Variants in ROBO1 observed in about 807,000 individuals in gnomAD.
The protein encoded by ROBO1 is roundabout homolog 1.
Under a neutral mutation model 195.9 loss-of-function variants are expected in ROBO1, and 149 were observed. The observed-to-expected ratio is 0.76, with a 90% confidence interval of 0.67 to 0.87. ROBO1 has a LOEUF of 0.87. ROBO1 is among the 40% of genes least tolerant of loss of function. The probability of loss-of-function intolerance (pLI) is 0.00; values close to 1 mark genes in which losing one functional copy is unlikely to be tolerated. For synonymous variants in ROBO1, 816 were observed against 733.2 expected (o/e 1.11, Z -1.82); for missense variants, 1,933 against 2,068.3 (o/e 0.93, Z 1.27).
At chr3:78,621,003 C>T (rs1704423876) in intron 26 of ROBO1, among the ~76,000 whole-genome samples, 1 of 150,812 alleles carries the variant, frequency 6.6e-6, no homozygotes, top group Non-Finnish European at 1.5e-5. Context: ...TATGCATATA[C>T]ACACATATAT....
At chr3:79,178,774 A>G (rs1440087006) in intron 2 of ROBO1, among the ~76,000 whole-genome samples, 1 of 152,222 alleles carries the variant, frequency 6.6e-6, no homozygotes, top group African/African-American at 2.4e-5. Context: ...CTGGGGGATT[A>G]ATGCTAAGAT....
chr3:79,028,010 A>G (rs2078232473), intron 3 of ROBO1, among the ~76,000 whole-genome samples: 1 of 152,070 alleles, frequency 6.6e-6, no homozygotes, highest in South Asian at 2.1e-4. Context: ...TGTTTTAATT[A>G]CAAAGTAAAA....
At chr3:79,386,593 C>T (rs1032227984) in intron 2 of ROBO1, among the ~76,000 whole-genome samples, 1 of 152,080 alleles carries the variant, frequency 6.6e-6, no homozygotes, top group Non-Finnish European at 1.5e-5. Context: ...ACAGGGCATT[C>T]AAGCAGAGGG....
intron 3 of ROBO1, among the ~76,000 whole-genome samples, chr3:79,003,992 G>GC (rs2077564863): frequency 6.6e-6 from 1 of 152,134 alleles, no homozygotes. Flanking sequence ...TCCAAGACAT[G>GC]TTTTTCTCCT....
chr3:78,810,182 A>C (rs187693038), intron 4 of ROBO1, among the ~76,000 whole-genome samples: 1 of 152,294 alleles, frequency 6.6e-6, no homozygotes, highest in African/African-American at 2.4e-5. Context: ...GCCAGCTTGC[A>C]AACTAGGTTT....
chr3:78,934,300 C>G (rs9876637), intron 4 of ROBO1, among the ~76,000 whole-genome samples: 18,534 of 151,756 alleles, frequency 0.12, 2,876 homozygotes, highest in African/African-American at 0.37. Context: ...GTACATTTTA[C>G]AGTATACGTG....
intron 2 of ROBO1, among the ~76,000 whole-genome samples, chr3:79,400,638 T>C (rs1404987173): frequency 6.6e-6 from 1 of 152,098 alleles, no homozygotes; most frequent in African/African-American, 2.4e-5. Flanking sequence ...ATGTCATTTA[T>C]ACAGCAAGAC....
At position 78,651,788 on chromosome 3, in the gene ROBO1, T is replaced by C; in HGVS notation, c.2756A>G (p.Tyr919Cys). Reference sequence around the variant, plus strand: ...TCCGTTTCTCTTCTTGCGGTGTCGATAAAGCCAGATGCTGAAGACCATGAG... The same window carrying C: ...TCCGTTTCTCTTCTTGCGGTGTCGACAAAGCCAGATGCTGAAGACCATGAG... ...IILMVFSIWL[Y>C]RHRKKRNGLT... The change falls in exon 19 of 31, where the codon TAT becomes TGT. Residue 919 changes from tyrosine (Y) to cysteine (C), a missense_variant. Coordinates refer to ENST00000464233, the MANE Select transcript of ROBO1 (RefSeq NM_002941.4). 6.2e-7 allele frequency: 1 copy of C among 1,613,608 alleles called. No homozygotes were observed. Among genetic ancestry groups the C allele is most frequent in the Non-Finnish European group, 8.5e-7 (1 of 1,179,656 alleles).
chr3:79,155,740 C>T (rs553777570), intron 2 of ROBO1, among the ~76,000 whole-genome samples: 1 of 151,836 alleles, frequency 6.6e-6, no homozygotes, highest in African/African-American at 2.4e-5. Flanking sequence ...AGAAACCTGT[C>T]CAGTTTGCAC....
At chr3:78,923,753 T>A (rs532111074) in intron 4 of ROBO1, among the ~76,000 whole-genome samples, 1 of 152,096 alleles carries the variant, frequency 6.6e-6, no homozygotes, top group Non-Finnish European at 1.5e-5. Flanking sequence ...GGAGCTTCAG[T>A]GGAGCAACAG....
intron 15 of ROBO1, 38 bp downstream of exon 15, chr3:78,661,955 G>A (rs764955110): frequency 1.6e-5 from 26 of 1,593,840 alleles, no homozygotes; most frequent in African/African-American, 1.3e-4. Flanking sequence ...TCTCGCAGAC[G>A]CTTATTAAAA....
At chr3:79,392,508 T>C (rs762940590) in intron 2 of ROBO1, among the ~76,000 whole-genome samples, 9 of 152,164 alleles carry the variant, frequency 5.9e-5, no homozygotes, top group African/African-American at 9.7e-5. Context: ...ACTAGATTAT[T>C]TGAATGGGTT....
intron 4 of ROBO1, among the ~76,000 whole-genome samples, chr3:78,823,183 A>T (rs1012137423): frequency 1.2e-5 from 1 of 84,928 alleles, no homozygotes; most frequent in Admixed American, 1.7e-4. Context: ...ATAATGATTT[A>T]AAATGATTTT....
At chr3:78,641,194 T>C (rs936216931) in intron 21 of ROBO1, among the ~76,000 whole-genome samples, 2 of 152,202 alleles carry the variant, frequency 1.3e-5, no homozygotes, top group Non-Finnish European at 1.5e-5. Flanking sequence ...GGTACTGTTA[T>C]CCAGATTTTA....
At chr3:78,854,797 T>G (rs1329776165) in intron 4 of ROBO1, among the ~76,000 whole-genome samples, 2 of 152,162 alleles carry the variant, frequency 1.3e-5, no homozygotes, top group Non-Finnish European at 2.9e-5. Flanking sequence ...AAAAATGCGA[T>G]GAAGATTATA....
chr3:79,021,495 C>T (rs563828220), intron 3 of ROBO1, among the ~76,000 whole-genome samples: 1 of 152,104 alleles, frequency 6.6e-6, no homozygotes, highest in East Asian at 1.9e-4. Flanking sequence ...TTGCATTGTT[C>T]CCCCAAATGG....
At position 78,600,387 on chromosome 3, in the gene ROBO1, T is replaced by C. The variant is rs919059201; in HGVS notation, c.4745-78A>G. 10 of 922,898 alleles carry C rather than the reference T, an allele frequency of 1.1e-5. No individual in the cohort carries two copies. The Admixed American group carries it at 2.2e-4, about 20-fold the overall frequency. 57.2% of individuals were successfully genotyped at this position (922,898 alleles called of 1,614,324 possible). Reference sequence around the variant, plus strand: ...GTATATTGTATCACTCCTGTCTATCTGTAATTCTGAATAAGGAAGCATCAG... The same window carrying C: ...GTATATTGTATCACTCCTGTCTATCCGTAATTCTGAATAAGGAAGCATCAG... On this transcript the variant is annotated intron_variant, in intron 29 of 30. Transcript: ENST00000464233.
At chr3:79,543,053 A>G (rs1484998118) in intron 2 of ROBO1, among the ~76,000 whole-genome samples, 3 of 152,048 alleles carry the variant, frequency 2.0e-5, no homozygotes, top group African/African-American at 7.2e-5. Context: ...AAATATGTGC[A>G]TTTATCTCAT....
At chr3:79,475,119 T>C (rs1226392010) in intron 2 of ROBO1, among the ~76,000 whole-genome samples, 1 of 151,886 alleles carries the variant, frequency 6.6e-6, no homozygotes, top group Non-Finnish European at 1.5e-5. Context: ...AAAGGAATGA[T>C]AGTATTAAAG....
Sources: gnomAD v4.1 joint callset for allele counts (sites outside exome capture counted in the v4.1 genomes callset) on GRCh38, gnomAD v4.1.1 for gene constraint, MANE v1.5 for transcripts, NCBI Gene and HGNC (gene_info 2026-07-23, HGNC 2026-07-21) for gene names.